Variants in GALNT17 observed in about 807,000 individuals in gnomAD.
GALNT17 encodes the protein UDP-GalNAc:polypeptide N-acetylgalactosaminyltransferase-like 3.
Under a neutral mutation model 63.7 loss-of-function variants are expected in GALNT17, and 29 were observed. The ratio of observed to expected loss-of-function variants is 0.46; its 90% CI spans 0.34 to 0.62. The LOEUF (loss-of-function observed/expected upper bound fraction) is 0.62, where lower values mean the gene tolerates loss of function less well. Ranked by LOEUF, GALNT17 falls within the 20% of genes least tolerant of loss-of-function variation. The pLI is 0.01. For missense variants in GALNT17, 603 were observed against 799.6 expected (o/e 0.75, Z 2.97); for synonymous variants, 305 against 318.3 (o/e 0.96, Z 0.45).
intron 1 of GALNT17, among the ~76,000 whole-genome samples, chr7:71,285,240 A>G (rs900100343): frequency 6.6e-6 from 1 of 152,130 alleles, no homozygotes; most frequent in Non-Finnish European, 1.5e-5. Context: ...CCTCTTTATT[A>G]TGACAGCAAT....
At chr7:71,274,196 T>G (rs915376904) in intron 1 of GALNT17, among the ~76,000 whole-genome samples, 2 of 152,222 alleles carry the variant, frequency 1.3e-5, no homozygotes, top group African/African-American at 4.8e-5. Context: ...TTTGCAAAAG[T>G]CCTAAATATT....
chr7:71,341,902 A>G (rs544161688), intron 2 of GALNT17, among the ~76,000 whole-genome samples: 1 of 152,300 alleles, frequency 6.6e-6, no homozygotes, highest in African/African-American at 2.4e-5. Flanking sequence ...TTATTCCCAC[A>G]TCTTTAGAGA....
rs542297309 is a variant in GALNT17 at position 71,422,355 on chromosome 7, A to C, written c.962+1250A>C. On this transcript the variant is annotated intron_variant, in intron 5 of 10. Transcript: ENST00000333538. Reference sequence around the variant, plus strand: ...GCTTTTGTGATTACATTCTGGGACCATACAAGAATCCAGGATTATCTCCCA... The same window carrying C: ...GCTTTTGTGATTACATTCTGGGACCCTACAAGAATCCAGGATTATCTCCCA... Among the ~76,000 whole-genome samples the C allele has an allele frequency of 1.4e-4, 21 of 152,330 alleles. 1 individual carries two copies. The South Asian group carries it at 4.3e-3, about 32-fold the overall frequency.
rs114825477 is a variant in GALNT17, at chr7:71,673,879, G to A, written c.1405-3332G>A. On this transcript the variant is annotated intron_variant, in intron 8 of 10. Transcript: ENST00000333538. ...AGCAATTCTCCCACTTCCGCCTCCC[G>A]AGTATCTGGGGCTATAGGCATAAAC... Among the ~76,000 whole-genome samples, 823 of 152,188 alleles carry A rather than the reference G, an allele frequency of 5.4e-3. 9 individuals carry two copies. The highest frequency in any genetic ancestry group is 0.019 in the African/African-American group (778 of 41,536).
chr7:71,246,789 A>T (rs889550313), intron 1 of GALNT17, among the ~76,000 whole-genome samples: 1 of 151,870 alleles, frequency 6.6e-6, no homozygotes, highest in African/African-American at 2.4e-5. Context: ...AGAACGCGCC[A>T]CTGCATTCCA....
intron 5 of GALNT17, among the ~76,000 whole-genome samples, chr7:71,545,106 A>G (rs1231560751): frequency 1.3e-5 from 2 of 151,916 alleles, no homozygotes; most frequent in African/African-American, 4.8e-5. Flanking sequence ...CATATTTTCC[A>G]TCTCTTTAAT....
intron 1 of GALNT17, among the ~76,000 whole-genome samples, chr7:71,227,820 T>C (rs1417259904): frequency 6.6e-6 from 1 of 152,182 alleles, no homozygotes; most frequent in African/African-American, 2.4e-5. Flanking sequence ...TGTGCTTGGC[T>C]GAGCGAGTCT....
intron 1 of GALNT17, among the ~76,000 whole-genome samples, chr7:71,304,453 C>G (rs1319761939): frequency 1.3e-5 from 2 of 152,082 alleles, no homozygotes; most frequent in East Asian, 3.9e-4. Flanking sequence ...AATACATTGT[C>G]AAGGAATAAG....
intron 3 of GALNT17, among the ~76,000 whole-genome samples, chr7:71,391,543 T>C (rs1482361155): frequency 6.6e-6 from 1 of 152,144 alleles, no homozygotes; most frequent in African/African-American, 2.4e-5. Flanking sequence ...AGTGCGGTGG[T>C]GCGATCACAG....
At chr7:71,432,068 G>A (rs913004938) in intron 5 of GALNT17, among the ~76,000 whole-genome samples, 30 of 152,094 alleles carry the variant, frequency 2.0e-4, no homozygotes, top group Middle Eastern at 3.4e-3. Flanking sequence ...CCAGCTACTC[G>A]GGAAGCTGAG....
At chr7:71,616,463 T>C (rs1790204681) in intron 6 of GALNT17, among the ~76,000 whole-genome samples, 1 of 147,648 alleles carries the variant, frequency 6.8e-6, no homozygotes, top group Admixed American at 6.8e-5. Flanking sequence ...TTAGTAAATA[T>C]CATTAATTAT....
chr7:71,455,891 A>G (rs555624230), intron 5 of GALNT17, among the ~76,000 whole-genome samples: 2 of 152,150 alleles, frequency 1.3e-5, no homozygotes, highest in East Asian at 3.9e-4. Context: ...AAGGCAGGGA[A>G]CCTTCTGTTC....
At chr7:71,419,637 G>A (rs1462882424) in intron 4 of GALNT17, among the ~76,000 whole-genome samples, 6 of 151,960 alleles carry the variant, frequency 3.9e-5, no homozygotes, top group Non-Finnish European at 5.9e-5. Flanking sequence ...TGAGAGAGGT[G>A]TGGGAGGTGG....
Position 71,461,859 on chromosome 7 carries a change from C to T in GALNT17, c.962+40754C>T, listed in dbSNP as rs188132923. On this transcript the variant is annotated intron_variant, in intron 5 of 10. Transcript: ENST00000333538. Reference sequence around the variant, plus strand: ...TCGGCCACAGATGTCTCGACAGGTCCGAGTTACTTATGTAATTGCTATCAA... The same window carrying T: ...TCGGCCACAGATGTCTCGACAGGTCTGAGTTACTTATGTAATTGCTATCAA... 3.0e-4 allele frequency among the ~76,000 whole-genome samples: 45 copies of T among 152,272 alleles called. 5 individuals are homozygous for T. Among genetic ancestry groups the T allele is most frequent in the East Asian group, 2.9e-3 (15 of 5,182 alleles).
chr7:71,289,378 A>T (rs1438680925), intron 1 of GALNT17, among the ~76,000 whole-genome samples: 2 of 152,098 alleles, frequency 1.3e-5, no homozygotes, highest in Admixed American at 6.6e-5. Flanking sequence ...TTTGGTTTTT[A>T]AATTTTTGTC....
At chr7:71,261,934 G>A (rs1379083575) in intron 1 of GALNT17, among the ~76,000 whole-genome samples, 1 of 152,152 alleles carries the variant, frequency 6.6e-6, no homozygotes, top group Admixed American at 6.5e-5. Flanking sequence ...GCTGCCAGAG[G>A]TGACGAGCTT....
intron 3 of GALNT17, among the ~76,000 whole-genome samples, chr7:71,398,798 C>G (rs1405942368): frequency 1.3e-5 from 2 of 152,198 alleles, no homozygotes; most frequent in African/African-American, 2.4e-5. Context: ...TGTCACTGAA[C>G]TGTATACTTA....
rs535764727 is a variant in GALNT17, at chr7:71,464,498, A to G, written c.962+43393A>G. Among the ~76,000 whole-genome samples the G allele has an allele frequency of 2.0e-5, 3 of 152,240 alleles. No individual in the cohort carries two copies. The East Asian group carries it at 5.8e-4, about 29-fold the overall frequency. ...TCTCAACAAGAGTGGGGTTGGGGAAAGGCTCTCTTTTGGGACTCCCCTGAA... is the reference window on the plus strand; with the variant it reads ...TCTCAACAAGAGTGGGGTTGGGGAAGGGCTCTCTTTTGGGACTCCCCTGAA... On this transcript the variant is annotated intron_variant, in intron 5 of 10. Transcript: ENST00000333538.
intron 3 of GALNT17, among the ~76,000 whole-genome samples, chr7:71,412,899 C>T (rs1467898553): frequency 3.3e-5 from 5 of 151,808 alleles, no homozygotes; most frequent in African/African-American, 9.7e-5. Context: ...AAAAATGAGC[C>T]GGGCATGGTG....
Sources: gnomAD v4.1 joint callset for allele counts (sites outside exome capture counted in the v4.1 genomes callset) on GRCh38, gnomAD v4.1.1 for gene constraint, MANE v1.5 for transcripts, NCBI Gene and HGNC (gene_info 2026-07-23, HGNC 2026-07-21) for gene names.